Variants in MMP26 observed in about 807,000 individuals in gnomAD.
The protein encoded by MMP26 is matrix metallopeptidase 26, also known as matrix metalloproteinase-26.
Under a neutral mutation model 31.0 loss-of-function variants are expected in MMP26, and 33 were observed. The ratio of observed to expected loss-of-function variants is 1.06; its 90% confidence interval spans 0.81 to 1.42. The LOEUF is 1.42. Among genes scored for constraint, MMP26 ranks in the 40% most tolerant of loss-of-function variants. MMP26 has a pLI of 0.00. For synonymous variants in MMP26, 122 were observed against 114.9 expected (o/e 1.06, Z -0.40); for missense variants, 347 against 316.1 (o/e 1.10, Z -0.74).
intron 1 of MMP26, among the ~76,000 whole-genome samples, chr11:4,737,886 T>C (rs1848263007): frequency 6.6e-6 from 1 of 152,374 alleles, no homozygotes; most frequent in Middle Eastern, 3.4e-3. Context: ...AAAACTCTAC[T>C]GCATGGTGCA....
intron 2 of MMP26, among the ~76,000 whole-genome samples, chr11:4,878,442 G>A (rs2133534060): frequency 6.6e-6 from 1 of 152,072 alleles, no homozygotes; most frequent in Middle Eastern, 3.4e-3. Context: ...AAAATAAATA[G>A]CATGTGCAGA....
intron 2 of MMP26, chr11:4,908,278 G>A (rs772473344): frequency 6.2e-7 from 1 of 1,614,014 alleles, no homozygotes; most frequent in Non-Finnish European, 8.5e-7. Flanking sequence ...AGAAGATCTT[G>A]GGGAAGTTGC....
At chr11:4,854,257 G>A (rs1850016820) in intron 2 of MMP26, among the ~76,000 whole-genome samples, 1 of 152,198 alleles carries the variant, frequency 6.6e-6, no homozygotes, top group Non-Finnish European at 1.5e-5. Flanking sequence ...GCTGAAACAG[G>A]GCGGGGCATC....
At chr11:4,827,399 C>T (rs773641605) in intron 2 of MMP26, among the ~76,000 whole-genome samples, 7 of 151,986 alleles carry the variant, frequency 4.6e-5, no homozygotes, top group Non-Finnish European at 8.8e-5. Context: ...CAACTTGTTT[C>T]CTTTTTTTAA....
intron 2 of MMP26, among the ~76,000 whole-genome samples, chr11:4,891,013 A>AATC (rs1366848734): frequency 3.1e-3 from 458 of 147,958 alleles, no homozygotes; most frequent in Non-Finnish European, 5.3e-3. Context: ...TAATAATAAT[A>AATC]ATAATAATAA....
intron 1 of MMP26, chr11:4,719,338 T>A (rs1347625585): frequency 6.5e-6 from 1 of 153,506 alleles, no homozygotes; most frequent in Non-Finnish European, 1.5e-5. Flanking sequence ...CTTCAGCACA[T>A]GTATCTCCCA....
intron 2 of MMP26, among the ~76,000 whole-genome samples, chr11:4,866,347 T>G (rs531437537): frequency 6.6e-6 from 1 of 152,246 alleles, no homozygotes; most frequent in East Asian, 1.9e-4. Flanking sequence ...GCAAGTCTCT[T>G]AAAAGCAATT....
chr11:4,801,619 C>T (rs967247103), intron 2 of MMP26, among the ~76,000 whole-genome samples: 1 of 151,552 alleles, frequency 6.6e-6, no homozygotes, highest in South Asian at 2.1e-4. Flanking sequence ...CTCTGCTCAC[C>T]GCAACCTCCG....
chr11:4,759,721 G>C (rs1335595531), intron 1 of MMP26, among the ~76,000 whole-genome samples: 4 of 152,158 alleles, frequency 2.6e-5, no homozygotes, highest in Non-Finnish European at 5.9e-5. Context: ...ATGTTTTTAA[G>C]TTATTAGCTT....
At chr11:4,797,733 C>G (rs1271935397) in intron 2 of MMP26, among the ~76,000 whole-genome samples, 2 of 152,188 alleles carry the variant, frequency 1.3e-5, no homozygotes, top group African/African-American at 4.8e-5. Context: ...CCCTTAGGTA[C>G]AGTTTTGCAC....
chr11:4,757,037 A>C lies in MMP26; in HGVS notation c.-216-10233A>C, dbSNP rs140036986. On this transcript the variant is annotated intron_variant, in intron 1 of 7. Transcript: ENST00000380390. ...CATTCTATAATTTATACGGAAATGC[A>C]AAAGACTTACAATTTTGAAATAGAA... 2.2e-3 allele frequency among the ~76,000 whole-genome samples: 340 copies of C among 152,250 alleles called. 1 individual carries two copies. The highest frequency in any genetic ancestry group is 7.5e-3 in the African/African-American group (313 of 41,558).
chr11:4,714,198 G>C (rs1022753709), intron 1 of MMP26, among the ~76,000 whole-genome samples: 1 of 152,154 alleles, frequency 6.6e-6, no homozygotes, highest in Admixed American at 6.6e-5. Context: ...TTAAGAATGA[G>C]GGGGACTTTA....
chr11:4,793,332 A>AT (rs574105544), intron 2 of MMP26, among the ~76,000 whole-genome samples: 150 of 152,072 alleles, frequency 9.9e-4, no homozygotes, highest in Middle Eastern at 3.4e-3. Flanking sequence ...TGGTGTTTCT[A>AT]TTTTTTTTGT....
intron 2 of MMP26, chr11:4,915,494 T>A: frequency 6.2e-7 from 1 of 1,614,092 alleles, no homozygotes; most frequent in Non-Finnish European, 8.5e-7. Flanking sequence ...AAGTGAGCGC[T>A]CTGTTTTAAT....
chr11:4,990,006 A>G (rs2133652284), intron 4 of MMP26, 138 bp downstream of exon 4: 1 of 651,824 alleles, frequency 1.5e-6, no homozygotes, highest in Non-Finnish European at 2.7e-6. Flanking sequence ...TCTCCCTCAG[A>G]GAAGGTAATA....
chr11:4,960,690 G>A (rs180754997), intron 2 of MMP26, among the ~76,000 whole-genome samples: 1 of 151,526 alleles, frequency 6.6e-6, no homozygotes, highest in East Asian at 2.0e-4. Flanking sequence ...AAAAATTACA[G>A]TACCAAAAGG....
chr11:4,907,455 T>A (rs771315532), intron 2 of MMP26: 3 of 1,613,954 alleles, frequency 1.9e-6, no homozygotes, highest in Non-Finnish European at 1.7e-6. Flanking sequence ...TGGTTCTCCA[T>A]CCCCATTTGC....
At chr11:4,768,448 C>T (rs1848659755) in intron 2 of MMP26, among the ~76,000 whole-genome samples, 1 of 152,166 alleles carries the variant, frequency 6.6e-6, no homozygotes, top group Non-Finnish European at 1.5e-5. Flanking sequence ...AGATCCAGGT[C>T]TTACTTTTGA....
chr11:4,771,614 C>G (rs977192773), intron 2 of MMP26, among the ~76,000 whole-genome samples: 7 of 151,894 alleles, frequency 4.6e-5, no homozygotes, highest in Non-Finnish European at 1.0e-4. Flanking sequence ...TAAATAATAG[C>G]AGTATTCATG....
Sources: allele counts gnomAD v4.1 joint callset (sites outside exome capture counted in the v4.1 genomes callset), GRCh38; gene constraint gnomAD v4.1.1; transcripts MANE v1.5; gene names NCBI Gene and HGNC (gene_info 2026-07-23, HGNC 2026-07-21).